Variants in PTPRB observed in about 807,000 individuals in gnomAD.
PTPRB encodes receptor-type tyrosine-protein phosphatase beta.
PTPRB carries 97 observed loss-of-function variants against 238.1 expected under a neutral mutation model. The ratio of observed to expected loss-of-function variants is 0.41; its 90% CI spans 0.35 to 0.48. PTPRB has a LOEUF of 0.48. Ranked by LOEUF, PTPRB falls within the 20% of genes least tolerant of loss-of-function variation. The pLI is 0.30. For missense variants in PTPRB, 2,292 were observed against 2,681.9 expected (o/e 0.85, Z 3.21); for synonymous variants, 970 against 995.4 (o/e 0.97, Z 0.48).
At position 70,520,580 on chromosome 12, in the gene PTPRB, G is replaced by A. The variant is rs117548628; in HGVS notation, c.*909C>T. 9.9e-3 allele frequency: 1,975 copies of A among 198,508 alleles called. 18 individuals carry two copies. The highest frequency in any genetic ancestry group is 0.02 in the Middle Eastern group (9 of 442). 12.3% of individuals were successfully genotyped at this position (198,508 alleles called of 1,614,324 possible). A position where few individuals can be genotyped will look rare whatever the true frequency, so the allele number is the denominator to read the frequency against. On this transcript the variant is annotated 3_prime_UTR_variant, in exon 34 of 34. Transcript: ENST00000334414. ...TAATTGTGACTTTTCTAGGAATGGAGACCACTGAAAATGAGACAGAAACTA... is the reference window on the plus strand; with the variant it reads ...TAATTGTGACTTTTCTAGGAATGGAAACCACTGAAAATGAGACAGAAACTA...
At chr12:70,537,627 AG>A in intron 28 of PTPRB, among the ~76,000 whole-genome samples, 1 of 152,334 alleles carries the variant, frequency 6.6e-6, no homozygotes, top group Non-Finnish European at 1.5e-5. Context: ...AGGCCCAAAA[AG>A]GTGACATAAT....
intron 8 of PTPRB, among the ~76,000 whole-genome samples, chr12:70,589,311 G>C (rs1461953905): frequency 6.6e-6 from 1 of 152,104 alleles, no homozygotes; most frequent in African/African-American, 2.4e-5. Flanking sequence ...TAAGAAAGAA[G>C]GTATTTGAAT....
At chr12:70,557,397 A>G (rs188979791) in intron 18 of PTPRB, among the ~76,000 whole-genome samples, 101 of 152,352 alleles carry the variant, frequency 6.6e-4, no homozygotes, top group Non-Finnish European at 1.1e-3. Flanking sequence ...AAAACAAAAC[A>G]AAACATAACA....
chr12:70,554,640 T>C (rs1877374205), intron 20 of PTPRB, among the ~76,000 whole-genome samples: 1 of 152,244 alleles, frequency 6.6e-6, no homozygotes, highest in Non-Finnish European at 1.5e-5. Context: ...AAGGGAAGAA[T>C]GTTTTTCATG....
At chr12:70,590,819 T>G (rs1882416833) in intron 7 of PTPRB, among the ~76,000 whole-genome samples, 1 of 151,998 alleles carries the variant, frequency 6.6e-6, no homozygotes, top group Non-Finnish European at 1.5e-5. Flanking sequence ...TGGGCCCTTC[T>G]GCCTCTGGGC....
chr12:70,635,851 G>A lies in PTPRB; in HGVS notation c.271C>T (p.Pro91Ser). The A allele has an allele frequency of 6.2e-7, 1 of 1,613,682 alleles. No individual in the cohort carries two copies. Among genetic ancestry groups the A allele is most frequent in the South Asian group, 1.1e-5 (1 of 91,026 alleles). ...TCCTGATCATAGCAGGTCCATCGGG[G>A]TGCCTGGGAACAGCGGTCCAAGATG... Reference protein sequence around the residue: ...SAILDRCSQAPRWTCYDQEGF... With the variant: ...SAILDRCSQASRWTCYDQEGF... Residue 91 changes from proline (P) to serine (S), a missense_variant, in exon 2 of 34, where the codon CCC becomes TCC. Transcript: ENST00000334414.
chr12:70,587,153 C>G lies in PTPRB; in HGVS notation c.2165G>C (p.Arg722Thr). 2.5e-6 allele frequency: 4 copies of G among 1,613,880 alleles called. No individual in the cohort carries two copies. The highest frequency in any genetic ancestry group is 1.1e-5 in the South Asian group (1 of 91,084). ...TGACTTGTGGATCAGTAAGAGGTCTCTGTCAGCTAGGGAAATGATGTATTT... is the reference window on the plus strand; with the variant it reads ...TGACTTGTGGATCAGTAAGAGGTCTGTGTCAGCTAGGGAAATGATGTATTT... ...WEKYIISLAD[R>T]DLLLIHKSLS... Residue 722 changes from arginine (R) to threonine (T), a missense_variant, in exon 9 of 34, where the codon AGA becomes ACA. Physicochemically the swap from Arg to Thr is moderately conservative, Grantham distance 71. Around this residue, in one of 4 missense-constraint regions of PTPRB, gnomAD observed 1,205 missense variants for 1,287.8 expected, o/e 0.94. Coordinates refer to ENST00000334414, the MANE Select transcript of PTPRB (RefSeq NM_001109754.4).
chr12:70,596,682 G>A (rs1297820178), intron 4 of PTPRB, among the ~76,000 whole-genome samples: 1 of 152,124 alleles, frequency 6.6e-6, no homozygotes, highest in Non-Finnish European at 1.5e-5. Context: ...CAAACATCCA[G>A]GTTATGCCTG....
chr12:70,626,540 G>A (rs914423931), intron 2 of PTPRB, among the ~76,000 whole-genome samples: 1 of 151,826 alleles, frequency 6.6e-6, no homozygotes, highest in Non-Finnish European at 1.5e-5. Flanking sequence ...AACATGTACA[G>A]ACATTTTTTC....
At chr12:70,611,542 G>T (rs1025028334) in intron 3 of PTPRB, among the ~76,000 whole-genome samples, 3 of 151,722 alleles carry the variant, frequency 2.0e-5, no homozygotes, top group African/African-American at 4.8e-5. Flanking sequence ...TCAAGTGATC[G>T]ACCCGCCTTG....
At chr12:70,590,307 C>A (rs1478651025) in intron 7 of PTPRB, 74 bp from the exon 8 acceptor site, 3 of 1,426,670 alleles carry the variant, frequency 2.1e-6, no homozygotes, top group Non-Finnish European at 2.8e-6. Flanking sequence ...TTTTCTTGGG[C>A]AGCAGTAGAT....
At chr12:70,609,878 G>A in intron 3 of PTPRB, 2 of 1,483,808 alleles carry the variant, frequency 1.3e-6, no homozygotes, top group East Asian at 2.6e-5. Context: ...CCCGAGGGCC[G>A]GGGCAGGGGG....
intron 9 of PTPRB, 95 bp downstream of exon 9, chr12:70,586,912 A>C (rs930482215): frequency 5.7e-6 from 7 of 1,235,154 alleles, no homozygotes; most frequent in Non-Finnish European, 8.0e-6. Context: ...TGCCCAGTAC[A>C]TAATAGGCAG....
chr12:70,541,048 G>C (rs1875014091), intron 22 of PTPRB, 91 bp from the exon 23 acceptor site: 1 of 1,002,710 alleles, frequency 1.0e-6, no homozygotes, highest in Non-Finnish European at 1.5e-6. Flanking sequence ...TATCTCCCAA[G>C]TAATGTTATT....
chr12:70,528,510 G>A (rs1385250389), intron 32 of PTPRB, among the ~76,000 whole-genome samples: 1 of 152,056 alleles, frequency 6.6e-6, no homozygotes, highest in Non-Finnish European at 1.5e-5. Context: ...GCAGTGGGAT[G>A]AGGGGCTAGC....
chr12:70,629,448 G>A (rs1382599600), intron 2 of PTPRB, among the ~76,000 whole-genome samples: 3 of 152,266 alleles, frequency 2.0e-5, no homozygotes, highest in South Asian at 2.1e-4. Flanking sequence ...TTAAAGCAGC[G>A]TACAGAGGGA....
Position 70,635,563 on chromosome 12 carries a change from C to T in PTPRB, c.451+108G>A, listed in dbSNP as rs1592616687. The T allele has an allele frequency of 3.1e-6, 4 of 1,298,702 alleles. No homozygotes were observed. In the Admixed American group the frequency reaches 7.5e-5, roughly 24 times the overall value. The allele number at this position is 1,298,702 out of a possible 1,614,324, so 80.4% of individuals were successfully genotyped here. A position where few individuals can be genotyped will look rare whatever the true frequency, so the allele number is the denominator to read the frequency against. ...ATCTTCCATAGGAAATATGTTGGGGCATGTGGACTTCCCTTAAATGTAAAA... is the reference window on the plus strand; with the variant it reads ...ATCTTCCATAGGAAATATGTTGGGGTATGTGGACTTCCCTTAAATGTAAAA... On this transcript the variant is annotated intron_variant, in intron 2 of 33. Transcript: ENST00000334414.
rs748668933 is a variant in PTPRB, at chr12:70,622,526, G to T, written c.572C>A (p.Ala191Asp). ...LVFLIRNTTE[A>D]FIRNAAENYS... Reference sequence around the variant, plus strand: ...GTTTTCTGCAGCATTTCTGATGAAGGCCTCTGTGGTATTCCTAATAAGGAA... The same window carrying T: ...GTTTTCTGCAGCATTTCTGATGAAGTCCTCTGTGGTATTCCTAATAAGGAA... The change falls in exon 3 of 34, where the codon GCC becomes GAC. Residue 191 changes from alanine (A) to aspartate (D), a missense_variant. By Grantham distance (126) the Ala-to-Asp change is moderately radical. Transcript: ENST00000334414. The T allele has an allele frequency of 5.0e-6, 8 of 1,612,420 alleles. No homozygotes were observed. Among genetic ancestry groups the T allele is most frequent in the Admixed American group, 1.7e-5 (1 of 59,714 alleles).
At chr12:70,574,199 C>G in intron 11 of PTPRB, among the ~76,000 whole-genome samples, 1 of 152,238 alleles carries the variant, frequency 6.6e-6, no homozygotes, top group African/African-American at 2.4e-5. Context: ...AATTTTTCAC[C>G]TCTACTTTTT....
Sources: gnomAD v4.1 joint callset for allele counts (sites outside exome capture counted in the v4.1 genomes callset) on GRCh38, gnomAD v4.1.1 for gene constraint, gnomAD v4.1.1 regional missense constraint, MANE v1.5 for transcripts, NCBI Gene and HGNC (gene_info 2026-07-23, HGNC 2026-07-21) for gene names.